Variants in SNTG1 observed in about 807,000 individuals in gnomAD.
SNTG1 encodes the protein syntrophin gamma 1.
SNTG1 carries 39 observed loss-of-function variants against 74.7 expected under a neutral mutation model. The ratio of observed to expected loss-of-function variants is 0.52; its 90% confidence interval spans 0.40 to 0.68. The LOEUF (loss-of-function observed/expected upper bound fraction) is 0.68. SNTG1 is among the 30% of genes least tolerant of loss of function. The pLI, the probability that SNTG1 is intolerant of heterozygous loss-of-function variation, is 0.00. For synonymous variants in SNTG1, 254 were observed against 217.1 expected, an observed-to-expected ratio of 1.17 and a Z score of -1.49; for missense variants, 685 against 609.5, an observed-to-expected ratio of 1.12 and a Z score of -1.30.
intron 2 of SNTG1, among the ~76,000 whole-genome samples, chr8:50,330,215 G>A (rs1232004302): frequency 6.6e-6 from 1 of 152,038 alleles, no homozygotes; most frequent in African/African-American, 2.4e-5. Context: ...TTTTTATAAG[G>A]GGGTTTTTCC....
At chr8:50,667,385 AAG>A (rs1206129710) in intron 15 of SNTG1, among the ~76,000 whole-genome samples, 1 of 152,058 alleles carries the variant, frequency 6.6e-6, no homozygotes, top group Non-Finnish European at 1.5e-5. Context: ...AGTAGTTAAT[AAG>A]GAACAGAGGT....
intron 2 of SNTG1, among the ~76,000 whole-genome samples, chr8:50,330,386 C>G (rs1386327819): frequency 6.6e-6 from 1 of 152,088 alleles, no homozygotes; most frequent in East Asian, 1.9e-4. Flanking sequence ...TCAGGTTTGT[C>G]TTTATTTGCA....
At chr8:50,078,045 C>T (rs1366631247) in intron 1 of SNTG1, among the ~76,000 whole-genome samples, 4 of 152,078 alleles carry the variant, frequency 2.6e-5, no homozygotes, top group Non-Finnish European at 5.9e-5. Flanking sequence ...AAGGGACTTT[C>T]CCAATTTAAT....
rs2095700088 is a variant in SNTG1 at position 50,794,537 on chromosome 8, A to G, written c.*1708A>G. 6.6e-6 allele frequency: 1 copy of G among 152,010 alleles called. No individual in the cohort carries two copies. Among genetic ancestry groups the G allele is most frequent in the Admixed American group, 6.6e-5 (1 of 15,206 alleles). 9.4% of individuals were successfully genotyped at this position (152,010 alleles called of 1,614,324 possible). On this transcript the variant is annotated 3_prime_UTR_variant, in exon 19 of 19. Transcript: ENST00000642720. ...AAGTACACATTTGTAATTAGGATAG[A>G]ACTTTAGAATTATTGCACACTATAT...
At chr8:50,077,265 T>C (rs1156559014) in intron 1 of SNTG1, among the ~76,000 whole-genome samples, 2 of 152,206 alleles carry the variant, frequency 1.3e-5, no homozygotes, top group Non-Finnish European at 2.9e-5. Flanking sequence ...TTGGCAGATA[T>C]TTTGACTATC....
Position 50,442,558 on chromosome 8 carries a change from A to AT in SNTG1, c.219+3965dup, listed in dbSNP as rs978123382. On this transcript the variant is annotated intron_variant, in intron 5 of 18. Coordinates refer to ENST00000642720, the MANE Select transcript of SNTG1 (RefSeq NM_018967.5). ...CCTCACTCCTGCTGTAACTTTTGGGATTTTTTGACAGTGATTTAGATTTCT... is the reference window on the plus strand; with the variant it reads ...CCTCACTCCTGCTGTAACTTTTGGGATTTTTTTGACAGTGATTTAGATTTCT... Among the ~76,000 whole-genome samples the AT allele has an allele frequency of 8.6e-5, 13 of 151,674 alleles. No individual in the cohort carries two copies. In the South Asian group the frequency reaches 1.3e-3, roughly 15 times the overall value.
At chr8:50,685,420 TC>T (rs144348031) in intron 15 of SNTG1, among the ~76,000 whole-genome samples, 2,304 of 152,288 alleles carry the variant, frequency 0.015, 49 homozygotes, top group African/African-American at 0.052. Context: ...AAATTGCTAA[TC>T]TTTGAATATG....
At chr8:50,685,258 T>G (rs1344130783) in intron 15 of SNTG1, among the ~76,000 whole-genome samples, 1 of 152,198 alleles carries the variant, frequency 6.6e-6, no homozygotes, top group African/African-American at 2.4e-5. Context: ...TATTTGTTTC[T>G]GAATGAGGTA....
chr8:50,503,070 TCAC>T, intron 9 of SNTG1, among the ~76,000 whole-genome samples, 190 bp downstream of exon 9: 1 of 151,038 alleles, frequency 6.6e-6, no homozygotes, highest in African/African-American at 2.5e-5. Flanking sequence ...AAGAATAGAT[TCAC>T]CACATTACAG....
chr8:50,438,400 G>A (rs1229906639), intron 4 of SNTG1, 143 bp from the exon 5 acceptor site: 10 of 595,984 alleles, frequency 1.7e-5, no homozygotes, highest in Non-Finnish European at 3.0e-5. Context: ...AAGATGTGGA[G>A]GCACTATCCC....
At chr8:50,430,166 G>A (rs2093216758) in intron 4 of SNTG1, among the ~76,000 whole-genome samples, 1 of 152,084 alleles carries the variant, frequency 6.6e-6, no homozygotes, top group Non-Finnish European at 1.5e-5. Flanking sequence ...ATTAATTGTG[G>A]TGAATGCACA....
At chr8:50,383,940 C>A (rs915614572) in intron 2 of SNTG1, among the ~76,000 whole-genome samples, 2 of 152,130 alleles carry the variant, frequency 1.3e-5, no homozygotes, top group Non-Finnish European at 2.9e-5. Flanking sequence ...TCAATGAAAT[C>A]ATTGTTGGAT....
intron 17 of SNTG1, among the ~76,000 whole-genome samples, chr8:50,725,606 T>G (rs1202032406): frequency 6.6e-6 from 1 of 152,140 alleles, no homozygotes; most frequent in Non-Finnish European, 1.5e-5. Flanking sequence ...CACCTCTAAT[T>G]TCCTCTGTTT....
intron 15 of SNTG1, among the ~76,000 whole-genome samples, chr8:50,675,733 A>G (rs1037570480): frequency 5.9e-5 from 9 of 151,934 alleles, no homozygotes; most frequent in African/African-American, 2.2e-4. Flanking sequence ...CCATTAGTTG[A>G]TGCAGTTTCT....
chr8:50,402,264 C>G lies in SNTG1; in HGVS notation c.82C>G (p.Arg28Gly). Reference sequence around the variant, plus strand: ...TGGTAACCAGGAGCCTTTCAAAGTGCGGCTGCACCTAGCCAAAGACATTTT... The same window carrying G: ...TGGTAACCAGGAGCCTTTCAAAGTGGGGCTGCACCTAGCCAAAGACATTTT... Reference protein sequence around the residue: ...QDGNQEPFKVRLHLAKDILMI... With the variant: ...QDGNQEPFKVGLHLAKDILMI... Residue 28 changes from arginine to glycine, a missense_variant, in exon 4 of 19, where the codon CGG (arginine) becomes GGG (glycine). Physicochemically the swap from Arg to Gly is moderately radical, Grantham distance 125 (BLOSUM62 -2). Coordinates refer to ENST00000642720, the MANE Select transcript of SNTG1 (RefSeq NM_018967.5). 3 of 1,613,084 alleles carry G rather than the reference C, an allele frequency of 1.9e-6. No individual in the cohort carries two copies. The highest frequency in any genetic ancestry group is 1.7e-6 in the Non-Finnish European group (2 of 1,179,734).
At chr8:50,187,149 G>T (rs2083413733) in intron 2 of SNTG1, among the ~76,000 whole-genome samples, 1 of 151,944 alleles carries the variant, frequency 6.6e-6, no homozygotes, top group South Asian at 2.1e-4. Context: ...TTTCTTCACA[G>T]AATTAGAAAA....
intron 1 of SNTG1, among the ~76,000 whole-genome samples, chr8:49,957,999 T>A (rs1447750125): frequency 6.6e-6 from 1 of 151,926 alleles, no homozygotes; most frequent in Non-Finnish European, 1.5e-5. Flanking sequence ...GAGATTAGAG[T>A]CTAGCTCTTA....
chr8:50,231,947 T>C (rs1005968625), intron 2 of SNTG1, among the ~76,000 whole-genome samples: 3 of 151,406 alleles, frequency 2.0e-5, no homozygotes, highest in Admixed American at 6.6e-5. Flanking sequence ...TTACATTATA[T>C]TGAACTGTCA....
At chr8:50,199,491 A>G (rs1037093509) in intron 2 of SNTG1, among the ~76,000 whole-genome samples, 1 of 152,164 alleles carries the variant, frequency 6.6e-6, no homozygotes, top group Non-Finnish European at 1.5e-5. Context: ...TGCTGGGATT[A>G]TAAGTGTGAG....
Sources: gnomAD v4.1 joint callset for allele counts (sites outside exome capture counted in the v4.1 genomes callset) on GRCh38, gnomAD v4.1.1 for gene constraint, MANE v1.5 for transcripts, NCBI Gene and HGNC (gene_info 2026-07-23, HGNC 2026-07-21) for gene names.